The following DMD variants were observed in gnomAD, a reference collection of about 807,000 sequenced individuals.
The protein encoded by DMD is mutant dystrophin.
A neutral mutation model predicts 330.1 loss-of-function variants in DMD; 63 were observed. The observed-to-expected ratio is 0.19, with a 90% CI of 0.16 to 0.24. The LOEUF (loss-of-function observed/expected upper bound fraction) is 0.24. Among genes scored for constraint, DMD ranks in the 10% least tolerant of loss-of-function variants. The pLI, the probability that DMD is intolerant of heterozygous loss-of-function variation, is 1.00. For missense variants in DMD, 3,344 were observed against 2,684.1 expected (o/e 1.25, Z -5.43); for synonymous variants, 1,223 against 959.8 (o/e 1.27, Z -5.07).
chrX:32,903,144 CAAAAAAA>C (rs34973696), intron 2 of DMD, among the ~76,000 whole-genome samples: 6 of 32,989 alleles, frequency 1.8e-4, no homozygotes, highest in African/African-American at 4.1e-4. Flanking sequence ...GACTCAGTCT[CAAAAAAA>C]AAAAAAAAAA....
chrX:32,670,360 G>C (rs1381387306), intron 9 of DMD, among the ~76,000 whole-genome samples: 1 of 111,724 alleles, frequency 9.0e-6, no homozygotes, highest in Non-Finnish European at 1.9e-5. Flanking sequence ...TATCACTGTT[G>C]ATTAGAAATA....
intron 42 of DMD, among the ~76,000 whole-genome samples, chrX:32,292,711 A>T (rs1191614586): frequency 1.8e-5 from 2 of 111,955 alleles, no homozygotes; most frequent in African/African-American, 6.5e-5. Context: ...AAAACTTCAC[A>T]ATCAGAGAGG....
At chrX:31,977,241 T>C (rs981948257) in intron 44 of DMD, among the ~76,000 whole-genome samples, 1 of 112,176 alleles carries the variant, frequency 8.9e-6, no homozygotes, top group African/African-American at 3.2e-5. Context: ...AGCAAGATAT[T>C]ATAATCTTCT....
intron 52 of DMD, among the ~76,000 whole-genome samples, chrX:31,700,285 C>T (rs1476861432): frequency 9.0e-6 from 1 of 111,670 alleles, no homozygotes; most frequent in Non-Finnish European, 1.9e-5. Context: ...GAAAAAAATA[C>T]CATCTGTGGG....
intron 1 of DMD, among the ~76,000 whole-genome samples, chrX:33,130,355 C>T (rs2095491839): frequency 9.0e-6 from 1 of 110,975 alleles, no homozygotes; most frequent in Non-Finnish European, 1.9e-5. Flanking sequence ...ATCCTTTTAG[C>T]GGAAGACACT....
At chrX:31,963,219 C>G (rs376423704) in intron 45 of DMD, among the ~76,000 whole-genome samples, 4 of 111,985 alleles carry the variant, frequency 3.6e-5, no homozygotes, top group African/African-American at 1.3e-4. Context: ...TGCATGCAAA[C>G]AATGAGCTAA....
chrX:32,531,337 G>A (rs746003588), intron 17 of DMD, among the ~76,000 whole-genome samples: 3 of 111,365 alleles, frequency 2.7e-5, no homozygotes, highest in South Asian at 3.7e-4. Context: ...TATGTAGCAA[G>A]TAGTTTTCCT....
chrX:33,319,950 T>C (rs1484587959), intron 1 of DMD, among the ~76,000 whole-genome samples: 1 of 111,643 alleles, frequency 9.0e-6, no homozygotes, highest in African/African-American at 3.3e-5. Context: ...TTTATGCAAA[T>C]GGAGTGAGTT....
intron 1 of DMD, among the ~76,000 whole-genome samples, chrX:33,292,361 TA>T (rs925472380): frequency 2.7e-5 from 3 of 112,029 alleles, no homozygotes; most frequent in African/African-American, 9.7e-5. Context: ...TCATGTTTTA[TA>T]AAACAGAAAT....
intron 54 of DMD, among the ~76,000 whole-genome samples, chrX:31,645,106 G>A (rs2080006586): frequency 8.9e-6 from 1 of 111,870 alleles, no homozygotes. Context: ...ATTTGTTTCA[G>A]GGAAAAGAAA....
chrX:31,233,529 A>G (rs1206294881), intron 63 of DMD, among the ~76,000 whole-genome samples: 1 of 111,437 alleles, frequency 9.0e-6, no homozygotes, highest in Non-Finnish European at 1.9e-5. Flanking sequence ...TTGGATTGCA[A>G]AAACATACTC....
At chrX:32,413,205 C>A (rs912485978) in intron 29 of DMD, among the ~76,000 whole-genome samples, 2 of 110,856 alleles carry the variant, frequency 1.8e-5, no homozygotes, top group East Asian at 2.9e-4. Flanking sequence ...TCCATACTTG[C>A]ATGTTATCTC....
chrX:32,785,482 C>G (rs960741793), intron 7 of DMD, among the ~76,000 whole-genome samples: 4 of 111,355 alleles, frequency 3.6e-5, no homozygotes, highest in African/African-American at 9.7e-5. Context: ...CTTCACTAGT[C>G]TATGTTAAGA....
At chrX:31,876,080 G>A (rs529801943) in intron 47 of DMD, among the ~76,000 whole-genome samples, 1 of 112,251 alleles carries the variant, frequency 8.9e-6, no homozygotes, top group South Asian at 3.6e-4. Context: ...ATTTGGATTA[G>A]AGTAGACTGT....
At chrX:32,914,960 T>C (rs1275528025) in intron 2 of DMD, among the ~76,000 whole-genome samples, 1 of 111,482 alleles carries the variant, frequency 9.0e-6, no homozygotes, top group Non-Finnish European at 1.9e-5. Flanking sequence ...TTCAGTAACA[T>C]TCCCAAGGTC....
intron 54 of DMD, among the ~76,000 whole-genome samples, chrX:31,632,525 G>A (rs894500193): frequency 8.9e-6 from 1 of 111,760 alleles, no homozygotes; most frequent in Admixed American, 9.5e-5. Context: ...TTGTTATAGA[G>A]TAATCACATA....
At chrX:32,732,534 G>A (rs2067837065) in intron 7 of DMD, among the ~76,000 whole-genome samples, 1 of 111,408 alleles carries the variant, frequency 9.0e-6, no homozygotes, top group Non-Finnish European at 1.9e-5. Context: ...TACCCTCAAA[G>A]GGAAGCCCAT....
In DMD at chrX:32,699,117, G is replaced by A. The variant is rs2147603245; in HGVS notation, c.826C>T (p.Gln276Ter). ...CTGTCCTTTACACACTTTACCTGTT[G>A]AGAATAGTGCATTTGATGATGTAAC... ...FQLHHQMHYS[Q>*]QITVSLAQGY... The change falls in exon 8 of 79, where the codon CAA becomes TAA. Residue 276 changes from glutamine (Q) to a stop codon, truncating the protein, a stop_gained. Coordinates refer to ENST00000357033, the MANE Select transcript of DMD (RefSeq NM_004006.3). LOFTEE classifies it high-confidence loss of function. 8.3e-7 allele frequency: 1 copy of A among 1,208,274 alleles called. No homozygotes were observed. The highest frequency in any genetic ancestry group is 1.1e-6 in the Non-Finnish European group (1 of 892,612).
intron 1 of DMD, among the ~76,000 whole-genome samples, chrX:33,106,784 C>T (rs2095291685): frequency 9.0e-6 from 1 of 111,646 alleles, no homozygotes; most frequent in African/African-American, 3.3e-5. Context: ...GGCTGACAGG[C>T]ATTAGAAATA....
Sources: allele counts gnomAD v4.1 joint callset (sites outside exome capture counted in the v4.1 genomes callset), GRCh38; gene constraint gnomAD v4.1.1; transcripts MANE v1.5; gene names NCBI Gene and HGNC (gene_info 2026-07-23, HGNC 2026-07-21).